RPS6KC1: variants seen among roughly 807,000 people sequenced by gnomAD.
RPS6KC1 encodes inactive ribosomal protein S6 kinase delta-1.
In RPS6KC1, 54 loss-of-function variants were observed where a neutral mutation model predicts 103.8. That is an observed-to-expected ratio of 0.52 (90% confidence interval 0.42 to 0.65). The LOEUF (loss-of-function observed/expected upper bound fraction) is 0.65, where lower values mean the gene tolerates loss of function less well. Ranked by LOEUF, RPS6KC1 falls within the 30% of genes least tolerant of loss-of-function variation. RPS6KC1 has a pLI of 0.00. For synonymous variants in RPS6KC1, 439 were observed against 438.7 expected (o/e 1.00, Z -0.01); for missense variants, 1,151 against 1,253.8 (o/e 0.92, Z 1.24).
chr1:213,064,974 CTTT>C (rs34664044), intron 1 of RPS6KC1, among the ~76,000 whole-genome samples: 2 of 89,692 alleles, frequency 2.2e-5, no homozygotes, highest in Non-Finnish European at 2.2e-5. Context: ...CGTGCCCGGC[CTTT>C]TTTTTTTTTT....
chr1:213,562,596 C>T, the RPS6KC1 span, among the ~76,000 whole-genome samples: 3 of 151,896 alleles, frequency 2.0e-5, no homozygotes, highest in African/African-American at 7.3e-5. Flanking sequence ...TCTTGATGTC[C>T]TGACCTTGTG....
At chr1:213,103,042 A>G (rs1381585875) in intron 3 of RPS6KC1, among the ~76,000 whole-genome samples, 1 of 152,096 alleles carries the variant, frequency 6.6e-6, no homozygotes, top group East Asian at 1.9e-4. Flanking sequence ...CCCTCTCTCT[A>G]CAAAATAATT....
the RPS6KC1 span, among the ~76,000 whole-genome samples, chr1:213,517,345 T>A: frequency 6.6e-6 from 1 of 152,192 alleles, no homozygotes; most frequent in Non-Finnish European, 1.5e-5. Flanking sequence ...AGATATTTCC[T>A]GCTTTCTCTT....
the RPS6KC1 span, among the ~76,000 whole-genome samples, chr1:213,691,393 C>T: frequency 6.6e-6 from 1 of 152,224 alleles, no homozygotes; most frequent in Non-Finnish European, 1.5e-5. Context: ...GTAAAGAGGA[C>T]TCTGCAATTG....
chr1:213,368,721 C>A, the RPS6KC1 span, among the ~76,000 whole-genome samples: 2 of 152,168 alleles, frequency 1.3e-5, no homozygotes, highest in African/African-American at 4.8e-5. Context: ...TTGCTGTCTC[C>A]TTCTTGCCAC....
the RPS6KC1 span, among the ~76,000 whole-genome samples, chr1:213,755,161 A>G: frequency 3.3e-5 from 5 of 152,284 alleles, no homozygotes; most frequent in East Asian, 9.7e-4. Context: ...GGAGAGCTTG[A>G]ATGTGGGGCA....
chr1:213,340,747 C>G, the RPS6KC1 span, among the ~76,000 whole-genome samples: 1 of 152,238 alleles, frequency 6.6e-6, no homozygotes, highest in African/African-American at 2.4e-5. Context: ...GAACAATGAC[C>G]TTTCCTCTTC....
chr1:213,284,098 T>C, the RPS6KC1 span, among the ~76,000 whole-genome samples: 2 of 152,224 alleles, frequency 1.3e-5, no homozygotes, highest in Non-Finnish European at 1.5e-5. Flanking sequence ...CTGAAAGATA[T>C]TTTAAAAAGT....
intron 5 of RPS6KC1, among the ~76,000 whole-genome samples, chr1:213,124,138 A>G (rs905478775): frequency 7.9e-5 from 12 of 152,118 alleles, no homozygotes; most frequent in African/African-American, 2.9e-4. Flanking sequence ...GGGGCCCTCT[A>G]ATAGCCCTGA....
At chr1:213,467,325 G>A in the RPS6KC1 span, among the ~76,000 whole-genome samples, 3 of 152,102 alleles carry the variant, frequency 2.0e-5, no homozygotes, top group African/African-American at 7.2e-5. Context: ...TGGGAATAAC[G>A]CCACAAGCAA....
At chr1:213,253,662 T>C (rs1005537835) in intron 12 of RPS6KC1, among the ~76,000 whole-genome samples, 6 of 152,214 alleles carry the variant, frequency 3.9e-5, no homozygotes, top group Admixed American at 3.9e-4. Flanking sequence ...AGGCAAGGCC[T>C]GTACCCTTAG....
At chr1:213,339,254 G>A in the RPS6KC1 span, among the ~76,000 whole-genome samples, 4 of 152,036 alleles carry the variant, frequency 2.6e-5, no homozygotes, top group South Asian at 2.1e-4. Context: ...CAACAAGAGC[G>A]AAACTCTGTC....
chr1:213,598,429 T>C, the RPS6KC1 span, among the ~76,000 whole-genome samples: 1 of 152,184 alleles, frequency 6.6e-6, no homozygotes, highest in African/African-American at 2.4e-5. Context: ...GCTCTGCTTA[T>C]CTATGTGACC....
the RPS6KC1 span, among the ~76,000 whole-genome samples, chr1:213,847,105 G>C: frequency 6.6e-6 from 1 of 152,162 alleles, no homozygotes; most frequent in African/African-American, 2.4e-5. Context: ...GCCTCTGGAA[G>C]AAAGTCATGT....
the RPS6KC1 span, among the ~76,000 whole-genome samples, chr1:213,608,572 G>A: frequency 5.3e-5 from 8 of 151,958 alleles, no homozygotes; most frequent in East Asian, 7.7e-4. Flanking sequence ...CTGGACAAAC[G>A]ACAGACATAT....
At chr1:213,540,594 G>A in the RPS6KC1 span, among the ~76,000 whole-genome samples, 2 of 152,126 alleles carry the variant, frequency 1.3e-5, no homozygotes, top group East Asian at 1.9e-4. Flanking sequence ...CAAGTGATCT[G>A]CCCACCTCAG....
At chr1:213,395,832 A>G in the RPS6KC1 span, among the ~76,000 whole-genome samples, 3 of 152,238 alleles carry the variant, frequency 2.0e-5, no homozygotes, top group Admixed American at 2.0e-4. Flanking sequence ...ACACATGGTA[A>G]ATAGCAGTGA....
chr1:213,263,934 G>A (rs2094857148), intron 14 of RPS6KC1, among the ~76,000 whole-genome samples: 1 of 152,044 alleles, frequency 6.6e-6, no homozygotes. Flanking sequence ...AGCATGGCAA[G>A]GATGTGGGGA....
At chr1:213,496,434 A>C in the RPS6KC1 span, among the ~76,000 whole-genome samples, 1 of 152,082 alleles carries the variant, frequency 6.6e-6, no homozygotes, top group African/African-American at 2.4e-5. Flanking sequence ...ATTAAAACAG[A>C]GTGAAAGGCA....
Sources: gnomAD v4.1 joint callset for allele counts (sites outside exome capture counted in the v4.1 genomes callset) on GRCh38, gnomAD v4.1.1 for gene constraint, MANE v1.5 for transcripts, NCBI Gene and HGNC (gene_info 2026-07-23, HGNC 2026-07-21) for gene names.